The following MYO1F variants were observed in gnomAD, a reference collection of about 807,000 sequenced individuals.
MYO1F encodes myosin IF.
A neutral mutation model predicts 146.6 loss-of-function variants in MYO1F; 60 were observed. That is an observed-to-expected ratio of 0.41 (90% confidence interval 0.33 to 0.51). The LOEUF is 0.51. Ranked by LOEUF, MYO1F falls within the 20% of genes least tolerant of loss-of-function variation. MYO1F has a pLI of 0.25. For synonymous variants in MYO1F, 602 were observed against 602.1 expected, an observed-to-expected ratio of 1.00 and a Z score of 0.00; for missense variants, 1,274 against 1,534.3, an observed-to-expected ratio of 0.83 and a Z score of 2.83.
intron 21 of MYO1F, chr19:8,529,975 G>A (rs1302645162): frequency 4.5e-6 from 3 of 661,178 alleles, no homozygotes; most frequent in South Asian, 1.7e-5. Context: ...GGACAGGTGT[G>A]TCTGTGCCAG....
At chr19:8,543,057 C>T (rs1973049209) in intron 14 of MYO1F, among the ~76,000 whole-genome samples, 1 of 152,214 alleles carries the variant, frequency 6.6e-6, no homozygotes, top group Non-Finnish European at 1.5e-5. Context: ...GTGCCCACGA[C>T]CACGCCCGGC....
At chr19:8,535,784 A>T (rs915746329) in intron 19 of MYO1F, among the ~76,000 whole-genome samples, 1 of 151,336 alleles carries the variant, frequency 6.6e-6, no homozygotes, top group African/African-American at 2.4e-5. Context: ...GGTTCAAGCC[A>T]TTCTTCTGCC....
At chr19:8,531,928 G>A (rs1972503763) in intron 19 of MYO1F, among the ~76,000 whole-genome samples, 1 of 152,112 alleles carries the variant, frequency 6.6e-6, no homozygotes, top group Non-Finnish European at 1.5e-5. Flanking sequence ...GACCAGCCTG[G>A]CCAACATGGT....
chr19:8,543,939 C>CTGG (rs1338466296), intron 14 of MYO1F: 5 of 50,554 alleles, frequency 9.9e-5, no homozygotes, highest in East Asian at 6.4e-4. Context: ...GGTGGTGGTG[C>CTGG]TGGTGGTGCT....
Position 8,577,002 on chromosome 19 carries a change from G to T in MYO1F, c.3+305C>A. 1.8e-6 allele frequency: 1 copy of T among 563,296 alleles called. No individual in the cohort carries two copies. The highest frequency in any genetic ancestry group is 2.1e-5 in the South Asian group (1 of 46,716). 34.9% of individuals were successfully genotyped at this position (563,296 alleles called of 1,614,324 possible). ...GGGCTCCCTTAATTTGCAAGCAAAG[G>T]AGGCTATGTCCTTGTCCCTGCAGAC... On this transcript the variant is annotated intron_variant, in intron 1 of 27. Coordinates refer to ENST00000644032, the MANE Select transcript of MYO1F (RefSeq NM_012335.4). The surrounding 1 kb of genome is among the most constrained non-coding windows in gnomAD (Gnocchi z 4.3).
In MYO1F at chr19:8,555,786, T is replaced by C; in HGVS notation, c.14A>G (p.Glu5Gly). 6.2e-7 allele frequency: 1 copy of C among 1,612,556 alleles called. No homozygotes were observed. Among genetic ancestry groups the C allele is most frequent in the Non-Finnish European group, 8.5e-7 (1 of 1,179,288 alleles). MGSK[E>G]RFHWQSHNVK... is the part of the protein sequence containing the mutation. ...GTTGTGGCTCTGCCAGTGGAAGCGC[T>C]CCTTGCTGCCCTGGGGGGTGAGAGG... is the stretch of plus-strand genomic sequence containing the variant. Residue 5 changes from glutamate (E) to glycine (G), a missense_variant, in exon 2 of 28, where the codon GAG becomes GGG. Physicochemically the swap from Glu to Gly is moderately conservative, Grantham distance 98. Transcript: ENST00000644032.
chr19:8,534,291 A>G (rs969083209), intron 19 of MYO1F, among the ~76,000 whole-genome samples: 2 of 151,802 alleles, frequency 1.3e-5, no homozygotes, highest in African/African-American at 4.8e-5. Context: ...GCACAGTTAA[A>G]CCGTTGGCTA....
In MYO1F at chr19:8,553,069, G is replaced by GT. The variant is rs2145920876; in HGVS notation, c.504+69dup. On this transcript the variant is annotated intron_variant, in intron 6 of 27. Transcript: ENST00000644032. ...GTCTTGGCAATACGGGTGTGTGTAT[G>GT]TGTGGGTGTGTGTGTAGAAAGGTCA... The GT allele has an allele frequency of 9.4e-6, 13 of 1,383,010 alleles. No homozygotes were observed. In the South Asian group the frequency reaches 1.3e-4, roughly 14 times the overall value. 85.7% of individuals were successfully genotyped at this position (1,383,010 alleles called of 1,614,324 possible). A position where few individuals can be genotyped will look rare whatever the true frequency, so the allele number is the denominator to read the frequency against.
In MYO1F at chr19:8,530,804, C is replaced by G. The variant is rs1229021739; in HGVS notation, c.2044-231G>C. ...CCTGTAATCCTAGCACTTCGGGAGGCCGAGGCGGGTGGATCACCTGAGGTC... is the reference window on the plus strand; with the variant it reads ...CCTGTAATCCTAGCACTTCGGGAGGGCGAGGCGGGTGGATCACCTGAGGTC... On this transcript the variant is annotated intron_variant, in intron 19 of 27. Transcript: ENST00000644032. The surrounding 1 kb of genome is among the most constrained non-coding windows in gnomAD (Gnocchi z 5.8). Among the ~76,000 whole-genome samples, 1 of 152,198 alleles carries G rather than the reference C, an allele frequency of 6.6e-6. No homozygotes were observed. Among genetic ancestry groups the G allele is most frequent in the Non-Finnish European group, 1.5e-5 (1 of 68,024 alleles).
chr19:8,573,798 C>T (rs1325327965), intron 1 of MYO1F, among the ~76,000 whole-genome samples: 2 of 152,040 alleles, frequency 1.3e-5, no homozygotes, highest in South Asian at 2.1e-4. Flanking sequence ...TGCAGTGAGC[C>T]GAGATTGCAC....
chr19:8,551,725 G>C lies in MYO1F; in HGVS notation c.771+15C>G. 6.2e-7 allele frequency: 1 copy of C among 1,614,156 alleles called. No individual in the cohort carries two copies. Among genetic ancestry groups the C allele is most frequent in the South Asian group, 1.1e-5 (1 of 91,076 alleles). On this transcript the variant is annotated intron_variant, in intron 8 of 27. Coordinates refer to ENST00000644032, the MANE Select transcript of MYO1F (RefSeq NM_012335.4). ...GTCTGCCTGGCCGGGGACTGGAGTA[G>C]AGGCCGGTGCTCACCAGAGTCTCAC...
intron 1 of MYO1F, among the ~76,000 whole-genome samples, chr19:8,565,119 G>C (rs1369652262): frequency 3.3e-5 from 5 of 151,762 alleles, no homozygotes; most frequent in African/African-American, 4.8e-5. Flanking sequence ...TGTAACTCCT[G>C]ACCTCAAGTT....
chr19:8,554,249 A>T (rs1973748753), intron 4 of MYO1F, among the ~76,000 whole-genome samples: 1 of 152,130 alleles, frequency 6.6e-6, no homozygotes, highest in African/African-American at 2.4e-5. Context: ...GAGCCACTAC[A>T]CCTGGCCTGA....
rs544132838 is a variant in MYO1F at position 8,562,769 on chromosome 19, A to G, written c.4-6973T>C. 3.4e-4 allele frequency among the ~76,000 whole-genome samples: 51 copies of G among 152,102 alleles called. 1 individual carries two copies. The South Asian group carries it at 9.8e-3, about 29-fold the overall frequency. On this transcript the variant is annotated intron_variant, in intron 1 of 27. Coordinates refer to ENST00000644032, the MANE Select transcript of MYO1F (RefSeq NM_012335.4). ...GGCTGGTCTCTAACTCCTGGGCTCA[A>G]GCAATCCTCCTGCCTCAGTCTCCCA...
intron 23 of MYO1F, 69 bp downstream of exon 23, chr19:8,526,719 CG>C: frequency 6.5e-7 from 1 of 1,537,376 alleles, no homozygotes; most frequent in Non-Finnish European, 8.8e-7. Context: ...TCGGCCGGGT[CG>C]GTGGGGCGGG....
At position 8,526,812 on chromosome 19, in the gene MYO1F, G is replaced by C; in HGVS notation, c.2598C>G (p.Pro866=). 6.2e-7 allele frequency: 1 copy of C among 1,612,910 alleles called. No homozygotes were observed. ...CKRFEEATRR[P]LPLTFSDTLQ... is the part of the protein sequence containing the mutation. ...ACGTGTCGCTGAAGGTGAGGGGCAGGGGCCTCCGCGTCGCCTCCTCGAAGC... is the reference window on the plus strand; with the variant it reads ...ACGTGTCGCTGAAGGTGAGGGGCAGCGGCCTCCGCGTCGCCTCCTCGAAGC... Residue 866 remains proline, a synonymous_variant, in exon 23 of 28, where the codon CCC becomes CCG. Coordinates refer to ENST00000644032, the MANE Select transcript of MYO1F (RefSeq NM_012335.4).
intron 10 of MYO1F, 75 bp downstream of exon 10, chr19:8,550,085 C>A: frequency 6.5e-7 from 1 of 1,529,160 alleles, no homozygotes; most frequent in South Asian, 1.1e-5. Flanking sequence ...CAGCCGTGAG[C>A]CACTGCACTC....
At chr19:8,525,394 G>T (rs1972222707) in intron 25 of MYO1F, 85 bp downstream of exon 25, 3 of 1,147,476 alleles carry the variant, frequency 2.6e-6, no homozygotes, top group Non-Finnish European at 3.9e-6. Context: ...AACTGTGTTT[G>T]TTAGATTTCG....
chr19:8,555,580 C>A (rs1973814127), intron 2 of MYO1F, 79 bp downstream of exon 2: 1 of 1,596,312 alleles, frequency 6.3e-7, no homozygotes, highest in Non-Finnish European at 8.6e-7. Flanking sequence ...TCCCTCTGCT[C>A]CTTCACCCTC....
Sources: allele counts gnomAD v4.1 joint callset (sites outside exome capture counted in the v4.1 genomes callset), GRCh38; gene constraint gnomAD v4.1.1; non-coding constraint Gnocchi (gnomAD v3.1); transcripts MANE v1.5; gene names NCBI Gene and HGNC (gene_info 2026-07-23, HGNC 2026-07-21).